Variants in ITGBL1 observed in about 807,000 individuals in gnomAD.
ITGBL1 encodes integrin beta-like protein 1.
Under a neutral mutation model 68.5 loss-of-function variants are expected in ITGBL1, and 51 were observed. That is an observed-to-expected ratio of 0.74 (90% confidence interval 0.59 to 0.94). ITGBL1 has a LOEUF of 0.94. ITGBL1 is among the 40% of genes least tolerant of loss of function. The pLI, the probability that ITGBL1 is intolerant of heterozygous loss-of-function variation, is 0.00. For missense variants in ITGBL1, 649 were observed against 647.4 expected (o/e 1.00, Z -0.03); for synonymous variants, 209 against 227.3 (o/e 0.92, Z 0.72).
At chr13:101,691,260 T>C (rs1327910130) in intron 7 of ITGBL1, among the ~76,000 whole-genome samples, 2 of 152,172 alleles carry the variant, frequency 1.3e-5, no homozygotes, top group Non-Finnish European at 2.9e-5. Context: ...TAGAGATTAG[T>C]TGAAGGTCAG....
intron 7 of ITGBL1, among the ~76,000 whole-genome samples, chr13:101,620,201 T>C (rs1180059249): frequency 6.6e-6 from 1 of 152,170 alleles, no homozygotes; most frequent in Admixed American, 6.6e-5. Flanking sequence ...TTGTCTAACG[T>C]AGATAAGTAG....
intron 6 of ITGBL1, among the ~76,000 whole-genome samples, chr13:101,587,720 C>A (rs1555360503): frequency 6.6e-6 from 1 of 151,934 alleles, no homozygotes; most frequent in Non-Finnish European, 1.5e-5. Context: ...TTGATAGAAC[C>A]ATATTATGTG....
chr13:101,693,667 A>G (rs967409178), intron 8 of ITGBL1, among the ~76,000 whole-genome samples: 1 of 107,936 alleles, frequency 9.3e-6, no homozygotes, highest in Non-Finnish European at 2.0e-5. Flanking sequence ...TCTATCTATC[A>G]TCTATTATCT....
chr13:101,720,036 G>A (rs762955237), downstream of ITGBL1: 1 of 152,034 alleles, frequency 6.6e-6, no homozygotes, highest in Admixed American at 6.6e-5. Context: ...ACATAAAGTT[G>A]TTTGATGTTT....
chr13:101,567,983 T>A, intron 3 of ITGBL1, 138 bp downstream of exon 3: 1 of 685,744 alleles, frequency 1.5e-6, no homozygotes, highest in East Asian at 3.0e-5. Context: ...GAAATTCAGA[T>A]AAATCAATAG....
intron 2 of ITGBL1, among the ~76,000 whole-genome samples, chr13:101,553,449 C>G (rs538554547): frequency 6.6e-6 from 1 of 152,094 alleles, no homozygotes; most frequent in African/African-American, 2.4e-5. Context: ...AACTCAGAAA[C>G]GCAAAATGAT....
chr13:101,604,873 T>TACACACACAC (rs1469800995), intron 7 of ITGBL1, among the ~76,000 whole-genome samples: 3 of 20,114 alleles, frequency 1.5e-4, no homozygotes, highest in South Asian at 3.5e-3. Context: ...TATATATATA[T>TACACACACAC]ATATATATAT....
At chr13:101,540,355 A>G (rs1186526571) in intron 2 of ITGBL1, among the ~76,000 whole-genome samples, 8 of 152,116 alleles carry the variant, frequency 5.3e-5, no homozygotes, top group Non-Finnish European at 1.2e-4. Context: ...CAAAGATCAG[A>G]TGGTTGTAGA....
intron 2 of ITGBL1, among the ~76,000 whole-genome samples, chr13:101,543,392 C>G (rs2049750089): frequency 6.6e-6 from 1 of 152,170 alleles, no homozygotes; most frequent in Non-Finnish European, 1.5e-5. Context: ...GGCCCCCACC[C>G]TCTTCTGGCT....
chr13:101,704,041 G>T (rs532861467), intron 8 of ITGBL1, among the ~76,000 whole-genome samples: 2 of 152,098 alleles, frequency 1.3e-5, no homozygotes, highest in African/African-American at 4.8e-5. Context: ...GCCCACAAGT[G>T]TGTTGACTCA....
chr13:101,573,434 C>T (rs2050304918), intron 3 of ITGBL1, among the ~76,000 whole-genome samples: 1 of 152,082 alleles, frequency 6.6e-6, no homozygotes, highest in Non-Finnish European at 1.5e-5. Flanking sequence ...GTAACAGAAT[C>T]ATGCAGAGGA....
intron 7 of ITGBL1, among the ~76,000 whole-genome samples, chr13:101,655,041 G>T (rs191715396): frequency 1.3e-4 from 20 of 152,328 alleles, no homozygotes; most frequent in Admixed American, 1.3e-3. Flanking sequence ...ACGAGGAATA[G>T]ATCAGAATAG....
At chr13:101,619,366 G>C (rs181182297) in intron 7 of ITGBL1, among the ~76,000 whole-genome samples, 1 of 151,784 alleles carries the variant, frequency 6.6e-6, no homozygotes, top group Admixed American at 6.6e-5. Context: ...AAGTGGACAT[G>C]GGAAAGAAAG....
intron 8 of ITGBL1, among the ~76,000 whole-genome samples, chr13:101,701,561 T>TA (rs1234789774): frequency 6.6e-6 from 1 of 151,832 alleles, no homozygotes; most frequent in Non-Finnish European, 1.5e-5. Flanking sequence ...AATAAATAAA[T>TA]AAAAAATCAT....
At chr13:101,618,561 A>G (rs1265753933) in intron 7 of ITGBL1, among the ~76,000 whole-genome samples, 1 of 152,206 alleles carries the variant, frequency 6.6e-6, no homozygotes, top group Non-Finnish European at 1.5e-5. Context: ...AGGGGTACAG[A>G]TGACCTTTGG....
At chr13:101,594,294 T>A (rs2050706035) in intron 6 of ITGBL1, among the ~76,000 whole-genome samples, 1 of 152,096 alleles carries the variant, frequency 6.6e-6, no homozygotes, top group Non-Finnish European at 1.5e-5. Context: ...TATAGCCAAT[T>A]GACTTTAAAC....
chr13:101,492,762 G>C (rs1391830946), intron 2 of ITGBL1, among the ~76,000 whole-genome samples: 1 of 152,202 alleles, frequency 6.6e-6, no homozygotes, highest in Non-Finnish European at 1.5e-5. Flanking sequence ...GTAGCTACCA[G>C]AGGAATTTAG....
At chr13:101,679,615 C>T (rs938866578) in intron 7 of ITGBL1, among the ~76,000 whole-genome samples, 1 of 152,196 alleles carries the variant, frequency 6.6e-6, no homozygotes, top group Non-Finnish European at 1.5e-5. Context: ...TTGGACCTGT[C>T]ACTCAGTTTC....
At chr13:101,634,761 T>C (rs1447603114) in intron 7 of ITGBL1, among the ~76,000 whole-genome samples, 1 of 152,088 alleles carries the variant, frequency 6.6e-6, no homozygotes, top group East Asian at 1.9e-4. Context: ...GGAATTCCTT[T>C]TTAAAATCAG....
Sources: allele counts gnomAD v4.1 joint callset (sites outside exome capture counted in the v4.1 genomes callset), GRCh38; gene constraint gnomAD v4.1.1; transcripts MANE v1.5; gene names NCBI Gene and HGNC (gene_info 2026-07-23, HGNC 2026-07-21).